XKR9: variants seen among roughly 807,000 people sequenced by gnomAD.
XKR9 encodes XK related 9.
A neutral mutation model predicts 32.0 loss-of-function variants in XKR9; 32 were observed. The ratio of observed to expected loss-of-function variants is 1.00; its 90% confidence interval spans 0.76 to 1.34. XKR9 has a LOEUF of 1.34. Among genes scored for constraint, XKR9 ranks in the 40% most tolerant of loss-of-function variants. XKR9 has a pLI of 0.00. For missense variants in XKR9, 546 were observed against 429.7 expected (o/e 1.27, Z -2.39); for synonymous variants, 168 against 143.4 (o/e 1.17, Z -1.22).
At chr8:70,813,939 C>T in the XKR9 span, among the ~76,000 whole-genome samples, 1 of 151,518 alleles carries the variant, frequency 6.6e-6, no homozygotes, top group Middle Eastern at 3.2e-3. Context: ...AATCCCATTA[C>T]TGAGTATATA....
the XKR9 span, among the ~76,000 whole-genome samples, chr8:70,940,446 T>C: frequency 6.6e-6 from 1 of 152,130 alleles, no homozygotes; most frequent in African/African-American, 2.4e-5. Flanking sequence ...CTGTGCAATA[T>C]TGGGCAAGTT....
At chr8:71,042,461 C>T in the XKR9 span, among the ~76,000 whole-genome samples, 126 of 152,206 alleles carry the variant, frequency 8.3e-4, no homozygotes, top group African/African-American at 2.9e-3. Context: ...CTCTCTGTGC[C>T]TCAGTTTACT....
At chr8:70,966,845 A>C in the XKR9 span, among the ~76,000 whole-genome samples, 1 of 151,898 alleles carries the variant, frequency 6.6e-6, no homozygotes, top group Non-Finnish European at 1.5e-5. Context: ...AGCTCTTTTT[A>C]TTGAATTGAA....
At chr8:70,950,221 G>A in the XKR9 span, among the ~76,000 whole-genome samples, 1 of 152,130 alleles carries the variant, frequency 6.6e-6, no homozygotes, top group African/African-American at 2.4e-5. Context: ...CAACTTGGTG[G>A]GGGAAGACAG....
chr8:70,933,109 C>T, the XKR9 span, among the ~76,000 whole-genome samples: 2 of 152,010 alleles, frequency 1.3e-5, no homozygotes, highest in African/African-American at 2.4e-5. Context: ...GAAGAGGTAG[C>T]TTTGAGTGAG....
At chr8:70,793,514 C>G (rs1228474743), downstream of XKR9, among the ~76,000 whole-genome samples, 3 of 152,066 alleles carry the variant, frequency 2.0e-5, no homozygotes, top group Non-Finnish European at 4.4e-5. Flanking sequence ...GCACAAATAC[C>G]TTCAGCAGAT....
chr8:70,827,092 T>C, the XKR9 span, among the ~76,000 whole-genome samples: 12 of 152,160 alleles, frequency 7.9e-5, no homozygotes, highest in African/African-American at 2.9e-4. Flanking sequence ...GTTTTTAACA[T>C]GATACCATGA....
chr8:70,928,663 C>G, the XKR9 span, among the ~76,000 whole-genome samples: 2 of 152,038 alleles, frequency 1.3e-5, no homozygotes, highest in South Asian at 4.2e-4. Flanking sequence ...GTCCCTGCAC[C>G]ATTAGCCAGG....
the XKR9 span, among the ~76,000 whole-genome samples, chr8:70,900,101 T>C: frequency 2.0e-5 from 3 of 147,210 alleles, no homozygotes; most frequent in African/African-American, 7.5e-5. Context: ...AAACTCTGTG[T>C]AAAAAAAAAA....
intron 2 of XKR9, among the ~76,000 whole-genome samples, chr8:70,776,947 C>CTCTCTCTCTATATATATATATATA: frequency 1.4e-3 from 74 of 54,186 alleles, no homozygotes; most frequent in African/African-American, 2.1e-3. Flanking sequence ...CTCTCTCTCT[C>CTCTCTCTCTATATATATATATATA]TATATATATA....
chr8:70,680,304 G>A (rs1016617006), intron 2 of XKR9, among the ~76,000 whole-genome samples: 4 of 151,734 alleles, frequency 2.6e-5, no homozygotes, highest in African/African-American at 7.3e-5. Flanking sequence ...TCAATATTTC[G>A]CTCTTATAAA....
chr8:70,725,163 A>G (rs574871240), intron 4 of XKR9, among the ~76,000 whole-genome samples: 3 of 152,270 alleles, frequency 2.0e-5, no homozygotes, highest in Admixed American at 6.5e-5. Context: ...CTGTGATTCA[A>G]TTACCTCCCT....
At chr8:71,010,538 T>C in the XKR9 span, among the ~76,000 whole-genome samples, 1 of 152,160 alleles carries the variant, frequency 6.6e-6, no homozygotes, top group Non-Finnish European at 1.5e-5. Context: ...TTTCCTATTA[T>C]CTTGTGTTCA....
At chr8:70,947,366 G>C in the XKR9 span, among the ~76,000 whole-genome samples, 181 of 152,250 alleles carry the variant, frequency 1.2e-3, 2 homozygotes, top group Middle Eastern at 3.4e-3. Context: ...ATGTGACAAG[G>C]AGAATAGAGA....
rs188874496 is a variant in XKR9, at chr8:70,768,143, A to G, written n.353-21196A>G. ...GTTTCTTTGTTCTCATTGGTTTCAA[A>G]GAACTTATTTATTTTTACCTTAATT... On this transcript the variant is annotated intron_variant and non_coding_transcript_variant, in intron 2 of 3. Transcript: ENST00000520273. Among the ~76,000 whole-genome samples, 182 of 152,256 alleles carry G rather than the reference A, an allele frequency of 1.2e-3. 1 individual carries two copies. The highest frequency in any genetic ancestry group is 4.1e-3 in the African/African-American group (172 of 41,550).
intron 2 of XKR9, among the ~76,000 whole-genome samples, chr8:70,746,216 T>C (rs944741950): frequency 1.3e-4 from 19 of 150,166 alleles, no homozygotes; most frequent in African/African-American, 4.1e-4. Context: ...ATAATTATAT[T>C]CCATAAAGAA....
chr8:70,741,024 G>T (rs1218201391), intron 2 of XKR9, among the ~76,000 whole-genome samples: 1 of 152,242 alleles, frequency 6.6e-6, no homozygotes, highest in Non-Finnish European at 1.5e-5. Flanking sequence ...ATTGAAGTCT[G>T]CAGAGGTTAC....
At chr8:70,822,732 C>T in the XKR9 span, among the ~76,000 whole-genome samples, 1 of 151,944 alleles carries the variant, frequency 6.6e-6, no homozygotes. Context: ...CCTTCCATCT[C>T]TGCCCCCAAC....
In XKR9 at chr8:70,680,977, G is replaced by A. The variant is rs1361806165; in HGVS notation, c.-82G>A. ...ATTAAAATTCAATGCTATACCAAAG[G>A]GTATACTAATATTTGTTTGGCTTTT... is the stretch of plus-strand genomic sequence containing the variant. On this transcript the variant is annotated 5_prime_UTR_variant, in exon 3 of 5. Transcript: ENST00000408926. 1 of 1,327,032 alleles carries A rather than the reference G, an allele frequency of 7.5e-7. No individual in the cohort carries two copies. The highest frequency in any genetic ancestry group is 1.0e-6 in the Non-Finnish European group (1 of 964,302). The allele number at this position is 1,327,032 out of a possible 1,614,324, so 82.2% of individuals were successfully genotyped here.
Sources: gnomAD v4.1 joint callset for allele counts (sites outside exome capture counted in the v4.1 genomes callset) on GRCh38, gnomAD v4.1.1 for gene constraint, MANE v1.5 for transcripts, NCBI Gene and HGNC (gene_info 2026-07-23, HGNC 2026-07-21) for gene names.